PCDH11X: variants seen among roughly 807,000 people sequenced by gnomAD.
PCDH11X encodes the protein protocadherin 11 X-linked, also known as protocadherin-11 X-linked.
Under a neutral mutation model 53.3 loss-of-function variants are expected in PCDH11X, and 18 were observed. That is an observed-to-expected ratio of 0.34 (90% CI 0.23 to 0.50). The LOEUF is 0.50. PCDH11X is among the 20% of genes least tolerant of loss of function. The pLI is 0.98. For missense variants in PCDH11X, 570 were observed against 1,032.4 expected, an observed-to-expected ratio of 0.55 and a Z score of 6.14; for synonymous variants, 279 against 393.3, an observed-to-expected ratio of 0.71 and a Z score of 3.44.
At chrX:92,493,240 T>A (rs1161239419) in intron 10 of PCDH11X, among the ~76,000 whole-genome samples, 8 of 111,114 alleles carry the variant, frequency 7.2e-5, no homozygotes, top group Non-Finnish European at 1.5e-4. Context: ...ATTTTTTTTT[T>A]AAATTGTAAA....
At chrX:91,895,979 G>A (rs1478489938) in intron 6 of PCDH11X, among the ~76,000 whole-genome samples, 1 of 101,725 alleles carries the variant, frequency 9.8e-6, no homozygotes, top group Non-Finnish European at 2.0e-5. Context: ...CACGTACATA[G>A]TATATATAAA....
intron 7 of PCDH11X, among the ~76,000 whole-genome samples, chrX:92,209,189 A>G (rs1157037979): frequency 9.0e-6 from 1 of 111,630 alleles, no homozygotes; most frequent in Non-Finnish European, 1.9e-5. Flanking sequence ...AAACACAATT[A>G]TGCCTTCCCA....
chrX:92,103,050 G>A (rs1471620899), intron 6 of PCDH11X, among the ~76,000 whole-genome samples: 2 of 110,461 alleles, frequency 1.8e-5, no homozygotes, highest in African/African-American at 6.6e-5. Flanking sequence ...CATGTGATCA[G>A]TTGCCAGGGA....
intron 6 of PCDH11X, among the ~76,000 whole-genome samples, chrX:91,882,422 G>A (rs1032479549): frequency 9.1e-6 from 1 of 110,196 alleles, no homozygotes; most frequent in Non-Finnish European, 1.9e-5. Flanking sequence ...CCAAAACCAA[G>A]TCTTGCTTAA....
At chrX:92,127,101 T>A (rs1178782195) in intron 6 of PCDH11X, among the ~76,000 whole-genome samples, 2 of 111,357 alleles carry the variant, frequency 1.8e-5, no homozygotes, top group Admixed American at 2.0e-4. Context: ...AAAACAGAGA[T>A]ATATGAATCT....
At chrX:91,970,272 C>T (rs1602588085) in intron 6 of PCDH11X, among the ~76,000 whole-genome samples, 2 of 111,515 alleles carry the variant, frequency 1.8e-5, no homozygotes, top group Non-Finnish European at 1.9e-5. Context: ...CGGGTTGCCA[C>T]TTCTGGCGAG....
chrX:91,975,541 C>T (rs995995444), intron 6 of PCDH11X, among the ~76,000 whole-genome samples: 1 of 110,634 alleles, frequency 9.0e-6, no homozygotes, highest in Non-Finnish European at 1.9e-5. Context: ...CTGGTTATCA[C>T]CAAAGAAATG....
rs565979924 is a variant in PCDH11X at position 91,887,390 on chromosome X, C to A, written c.3033+8117C>A. 2.1e-3 allele frequency among the ~76,000 whole-genome samples: 235 copies of A among 111,076 alleles called. No individual in the cohort carries two copies. The South Asian group carries it at 0.029, about 14-fold the overall frequency. Reference sequence around the variant, plus strand: ...TCTGTGATAATACAAAGCTATATTTCTTGCATATAATTAGTATTTTTAGAA... The same window carrying A: ...TCTGTGATAATACAAAGCTATATTTATTGCATATAATTAGTATTTTTAGAA... On this transcript the variant is annotated intron_variant, in intron 6 of 10. Transcript: ENST00000682573.
intron 8 of PCDH11X, among the ~76,000 whole-genome samples, chrX:92,310,508 C>T (rs1435681958): frequency 9.0e-6 from 1 of 111,038 alleles, no homozygotes; most frequent in East Asian, 2.8e-4. Flanking sequence ...CCTGCCTTAT[C>T]CTCCTAAGTA....
intron 5 of PCDH11X, among the ~76,000 whole-genome samples, chrX:91,839,458 A>T (rs1460202940): frequency 1.1e-5 from 1 of 88,637 alleles, no homozygotes; most frequent in Non-Finnish European, 2.2e-5. Context: ...TACTAAAAAA[A>T]TACAAAAAAA....
chrX:92,210,220 A>T (rs1473048915), intron 7 of PCDH11X, among the ~76,000 whole-genome samples: 1 of 98,143 alleles, frequency 1.0e-5, no homozygotes, highest in Non-Finnish European at 2.0e-5. Flanking sequence ...ATTCCTCCAC[A>T]GAAAATGGGC....
intron 8 of PCDH11X, among the ~76,000 whole-genome samples, chrX:92,373,546 A>G (rs2070673309): frequency 9.0e-6 from 1 of 111,151 alleles, no homozygotes; most frequent in Non-Finnish European, 1.9e-5. Context: ...GCCAAAGAGC[A>G]TATTCTGGAA....
chrX:92,053,214 A>T (rs1398829070), intron 6 of PCDH11X, among the ~76,000 whole-genome samples: 2 of 110,931 alleles, frequency 1.8e-5, no homozygotes, highest in African/African-American at 3.3e-5. Context: ...GCAGAAGACA[A>T]TTTTTATTTT....
At chrX:92,604,882 A>G (rs1412411260) in intron 10 of PCDH11X, among the ~76,000 whole-genome samples, 1 of 108,470 alleles carries the variant, frequency 9.2e-6, no homozygotes, top group African/African-American at 3.4e-5. Flanking sequence ...TATCAGAAAA[A>G]CATAATAACT....
intron 6 of PCDH11X, among the ~76,000 whole-genome samples, chrX:92,156,208 G>C (rs4021808): frequency 0.52 from 55,426 of 105,927 alleles, 12,662 homozygotes; most frequent in African/African-American, 0.74. Context: ...ACCTGCACCC[G>C]CTCCAGTTAC....
At chrX:92,045,647 C>G (rs1353302660) in intron 6 of PCDH11X, among the ~76,000 whole-genome samples, 1 of 103,127 alleles carries the variant, frequency 9.7e-6, no homozygotes. Flanking sequence ...AGAGTCAGAA[C>G]AACACTTTCA....
intron 7 of PCDH11X, among the ~76,000 whole-genome samples, chrX:92,219,507 T>A (rs1215966806): frequency 9.1e-6 from 1 of 109,899 alleles, no homozygotes; most frequent in African/African-American, 3.3e-5. Context: ...GAAGGCCCTC[T>A]TCAAGGAGAA....
At chrX:91,882,871 T>A in intron 6 of PCDH11X, 1 of 1,182,239 alleles carries the variant, frequency 8.5e-7, no homozygotes, top group East Asian at 3.0e-5. Flanking sequence ...AACACAACCA[T>A]CTGATTTTGA....
intron 10 of PCDH11X, among the ~76,000 whole-genome samples, chrX:92,608,827 T>G (rs777549059): frequency 9.0e-6 from 1 of 111,226 alleles, no homozygotes; most frequent in East Asian, 2.8e-4. Flanking sequence ...CATACAATCA[T>G]GTATCTATCA....
Sources: gnomAD v4.1 joint callset for allele counts (sites outside exome capture counted in the v4.1 genomes callset) on GRCh38, gnomAD v4.1.1 for gene constraint, MANE v1.5 for transcripts, NCBI Gene and HGNC (gene_info 2026-07-23, HGNC 2026-07-21) for gene names.